Variants in FNIP2 observed in about 807,000 individuals in gnomAD.
FNIP2 encodes the protein folliculin-interacting protein 2.
In FNIP2, 32 loss-of-function variants were observed where a neutral mutation model predicts 108.7. The ratio of observed to expected loss-of-function variants is 0.29; its 90% confidence interval spans 0.22 to 0.40. The LOEUF is 0.40. Ranked by LOEUF, FNIP2 falls within the 10% of genes least tolerant of loss-of-function variation. The pLI is 1.00. For missense variants in FNIP2, 1,202 were observed against 1,381.6 expected (o/e 0.87, Z 2.06); for synonymous variants, 480 against 496.7 (o/e 0.97, Z 0.45).
intron 16 of FNIP2, among the ~76,000 whole-genome samples, chr4:158,900,209 A>G (rs1729073374): frequency 6.6e-6 from 1 of 151,956 alleles, no homozygotes; most frequent in Non-Finnish European, 1.5e-5. Context: ...GGTCTGAGAG[A>G]CTGTTATGAT....
intron 1 of FNIP2, among the ~76,000 whole-genome samples, chr4:158,817,235 C>T (rs906926242): frequency 1.1e-4 from 16 of 152,180 alleles, no homozygotes; most frequent in African/African-American, 3.6e-4. Flanking sequence ...ACTCAGTGTC[C>T]CTCTCACCTC....
chr4:158,875,318 A>G (rs575071995), intron 14 of FNIP2, among the ~76,000 whole-genome samples: 1 of 151,714 alleles, frequency 6.6e-6, no homozygotes, highest in Non-Finnish European at 1.5e-5. Flanking sequence ...CAAAATTAAC[A>G]CTACGTTTTG....
chr4:158,868,809 G>T lies in FNIP2; in HGVS notation c.2173G>T (p.Ala725Ser), dbSNP rs767597152. Residue 725 changes from alanine to serine, a missense_variant, in exon 13 of 17, where the codon GCA becomes TCA. Ala to Ser is a moderately conservative substitution (Grantham distance 99). Transcript: ENST00000264433. The surrounding 1 kb of genome is among the most constrained non-coding windows in gnomAD (Gnocchi z 4.6). Reference protein sequence around the residue: ...EKVTFQIGSFASPESDFESRM... With the variant: ...EKVTFQIGSFSSPESDFESRM... ...GGTCACTTTCCAGATTGGAAGCTTT[G>T]CATCTCCAGAGTCTGACTTTGAAAG... The T allele has an allele frequency of 4.0e-5, 64 of 1,613,614 alleles. No homozygotes were observed. The highest frequency in any genetic ancestry group is 5.3e-5 in the Non-Finnish European group (62 of 1,179,900).
intron 2 of FNIP2, among the ~76,000 whole-genome samples, chr4:158,828,362 A>T (rs755069248): frequency 6.6e-5 from 10 of 152,178 alleles, no homozygotes; most frequent in Non-Finnish European, 1.5e-4. Flanking sequence ...CACGCCTGTA[A>T]TCCAGCACTT....
intron 1 of FNIP2, among the ~76,000 whole-genome samples, chr4:158,792,205 A>G (rs1421793739): frequency 1.3e-5 from 2 of 152,188 alleles, no homozygotes; most frequent in Non-Finnish European, 2.9e-5. Flanking sequence ...TAACCCCAAA[A>G]TCAATACTCT....
chr4:158,895,567 C>CCTATAAGAATAGGTAT (rs1782596479), intron 15 of FNIP2, among the ~76,000 whole-genome samples, 183 bp from the exon 16 acceptor site: 4 of 152,170 alleles, frequency 2.6e-5, no homozygotes, highest in Non-Finnish European at 5.9e-5. Context: ...CTTTGTTTTA[C>CCTATAAGAATAGGTAT]AAGAACCTAT....
chr4:158,907,275 CAG>C lies in FNIP2; in HGVS notation c.*2732_*2733del, dbSNP rs1729923809. 6.6e-6 allele frequency: 1 copy of C among 152,200 alleles called. No homozygotes were observed. The highest frequency in any genetic ancestry group is 2.1e-4 in the South Asian group (1 of 4,834). The allele number at this position is 152,200 out of a possible 1,614,324, so 9.4% of individuals were successfully genotyped here. ...CCAAAGTATTTTATTTTTTATCAAT[CAG>C]TGTTAAATAGCTTTTTGTACAGGCT... On this transcript the variant is annotated 3_prime_UTR_variant, in exon 17 of 17. Transcript: ENST00000264433.
chr4:158,881,445 C>G (rs1578970472), intron 14 of FNIP2, among the ~76,000 whole-genome samples: 1 of 147,080 alleles, frequency 6.8e-6, no homozygotes, highest in Admixed American at 6.8e-5. Context: ...CTCCCTCTCC[C>G]TCTCTTTCCA....
chr4:158,803,158 A>G (rs1776817646), intron 1 of FNIP2, among the ~76,000 whole-genome samples: 1 of 152,204 alleles, frequency 6.6e-6, no homozygotes, highest in African/African-American at 2.4e-5. Flanking sequence ...GTGATTGCAG[A>G]CACTTTTGTA....
intron 16 of FNIP2, among the ~76,000 whole-genome samples, chr4:158,897,310 G>A (rs895897980): frequency 7.9e-5 from 12 of 152,232 alleles, no homozygotes; most frequent in South Asian, 2.1e-4. Flanking sequence ...ATACATGTGC[G>A]TGTGTCTTTA....
At chr4:158,790,708 C>T (rs1158667841) in intron 1 of FNIP2, among the ~76,000 whole-genome samples, 1 of 152,156 alleles carries the variant, frequency 6.6e-6, no homozygotes, top group Non-Finnish European at 1.5e-5. Flanking sequence ...GATTGCACCA[C>T]TGCACTCCAG....
intron 1 of FNIP2, among the ~76,000 whole-genome samples, chr4:158,820,517 T>C (rs1270013686): frequency 6.6e-6 from 1 of 152,264 alleles, no homozygotes; most frequent in African/African-American, 2.4e-5. Context: ...TTTAGTTCTC[T>C]TCCTAAAACA....
rs746068216 is a variant in FNIP2 at position 158,869,273 on chromosome 4, C to T, written c.2637C>T (p.Ala879=). Residue 879 remains alanine, a synonymous_variant, in exon 13 of 17, where the codon GCC becomes GCT. Coordinates refer to ENST00000264433, the MANE Select transcript of FNIP2 (RefSeq NM_020840.3). ...NIPCGDDNKK[A]NFRTEGDIPR... ...CCTGTGGGGATGACAACAAGAAGGC[C>T]AACTTCAGGACTGAAGGAGACATTC... 5.9e-5 allele frequency: 95 copies of T among 1,613,872 alleles called. No homozygotes were observed. The highest frequency in any genetic ancestry group is 7.1e-5 in the Non-Finnish European group (84 of 1,179,888).
At position 158,769,091 on chromosome 4, in the gene FNIP2, G is replaced by A. The variant is rs557152912; in HGVS notation, c.-122G>A. On this transcript the variant is annotated 5_prime_UTR_variant, in exon 1 of 17. Coordinates refer to ENST00000264433, the MANE Select transcript of FNIP2 (RefSeq NM_020840.3). ...AGTTACTCAGTCGCAGCGGCCCCGC[G>A]CTCCCGCAAGGCTGGGCGGCCGCGC... The A allele has an allele frequency of 3.2e-4, 68 of 214,530 alleles. No homozygotes were observed. In the South Asian group the frequency reaches 4.4e-3, roughly 14 times the overall value. 13.3% of individuals were successfully genotyped at this position (214,530 alleles called of 1,614,324 possible). A position where few individuals can be genotyped will look rare whatever the true frequency, so the allele number is the denominator to read the frequency against.
At chr4:158,806,347 A>C in intron 1 of FNIP2, 1 of 1,289,430 alleles carries the variant, frequency 7.8e-7, no homozygotes, top group South Asian at 1.2e-5. Flanking sequence ...GAGGATTTAC[A>C]GGGCGCTTTT....
In FNIP2 at chr4:158,907,851, A is replaced by C. The variant is rs1279036939; in HGVS notation, c.*3307A>C. 6.6e-6 allele frequency: 1 copy of C among 152,212 alleles called. No homozygotes were observed. The highest frequency in any genetic ancestry group is 1.9e-4 in the East Asian group (1 of 5,196). The allele number at this position is 152,212 out of a possible 1,614,324, so 9.4% of individuals were successfully genotyped here. ...GTGAGATTGCAATATGCTTAAACTT[A>C]AGTGGTATTTCAAAAACGAGAAAAT... On this transcript the variant is annotated 3_prime_UTR_variant, in exon 17 of 17. Coordinates refer to ENST00000264433, the MANE Select transcript of FNIP2 (RefSeq NM_020840.3).
At chr4:158,880,671 C>T (rs1362066402) in intron 14 of FNIP2, among the ~76,000 whole-genome samples, 1 of 152,142 alleles carries the variant, frequency 6.6e-6, no homozygotes, top group Non-Finnish European at 1.5e-5. Flanking sequence ...GATTTCTTTT[C>T]TCTGGATGGA....
In FNIP2 at chr4:158,825,994, C is replaced by G; in HGVS notation, c.186C>G (p.Val62=). 6.2e-7 allele frequency: 1 copy of G among 1,609,010 alleles called. No homozygotes were observed. The highest frequency in any genetic ancestry group is 8.5e-7 in the Non-Finnish European group (1 of 1,175,764). Residue 62 remains valine (V), a synonymous_variant, in exon 2 of 17, where the codon GTC becomes GTG. Transcript: ENST00000264433. The part of the protein sequence containing the change: ...YQDCDRRGRQ[V]LFDSKAVQKI... ...ACTGTGACAGGAGAGGCAGACAAGT[C>G]TTGTTTGACTCTAAAGCTGTTCAAA...
chr4:158,827,956 T>C (rs538997621), intron 2 of FNIP2, among the ~76,000 whole-genome samples: 1 of 152,090 alleles, frequency 6.6e-6, no homozygotes, highest in African/African-American at 2.4e-5. Flanking sequence ...ATTGCATTCA[T>C]GTTTTTTTCC....
Sources: allele counts gnomAD v4.1 joint callset (sites outside exome capture counted in the v4.1 genomes callset), GRCh38; gene constraint gnomAD v4.1.1; non-coding constraint Gnocchi (gnomAD v3.1); transcripts MANE v1.5; gene names NCBI Gene and HGNC (gene_info 2026-07-23, HGNC 2026-07-21).